Variants in NDNF observed in about 807,000 individuals in gnomAD.
The protein encoded by NDNF is protein NDNF.
A neutral mutation model predicts 42.0 loss-of-function variants in NDNF; 16 were observed. The ratio of observed to expected loss-of-function variants is 0.38; its 90% confidence interval spans 0.26 to 0.58. NDNF has a LOEUF of 0.58. Ranked by LOEUF, NDNF falls within the 20% of genes least tolerant of loss-of-function variation. The pLI, the probability that NDNF is intolerant of heterozygous loss-of-function variation, is 0.67. For missense variants in NDNF, 616 were observed against 666.2 expected (o/e 0.92, Z 0.83); for synonymous variants, 248 against 251.7 (o/e 0.99, Z 0.14).
At chr4:121,069,109 G>A (rs1471370840) in intron 1 of NDNF, among the ~76,000 whole-genome samples, 1 of 152,088 alleles carries the variant, frequency 6.6e-6, no homozygotes, top group Admixed American at 6.5e-5. Context: ...GAGTCTGGTC[G>A]ATAAATCCAA....
intron 1 of NDNF, among the ~76,000 whole-genome samples, chr4:121,050,104 AT>A (rs1469888739): frequency 6.6e-6 from 1 of 152,070 alleles, no homozygotes; most frequent in Non-Finnish European, 1.5e-5. Flanking sequence ...CATTGTATAT[AT>A]TTTTACAACT....
chr4:121,059,032 C>T (rs1317165372), intron 1 of NDNF, among the ~76,000 whole-genome samples: 3 of 152,118 alleles, frequency 2.0e-5, no homozygotes, highest in Admixed American at 6.5e-5. Context: ...CTAGCCTGGG[C>T]ACAGGCTACT....
chr4:121,059,378 CAAGAG>C (rs1727360645), intron 1 of NDNF, among the ~76,000 whole-genome samples: 1 of 152,104 alleles, frequency 6.6e-6, no homozygotes, highest in Non-Finnish European at 1.5e-5. Flanking sequence ...GAATTTGTTT[CAAGAG>C]AATATAGGCT....
chr4:121,064,662 C>T (rs945593329), intron 1 of NDNF, among the ~76,000 whole-genome samples: 7 of 152,116 alleles, frequency 4.6e-5, no homozygotes, highest in African/African-American at 7.2e-5. Context: ...ACGTCTCTCA[C>T]TCAGTAATGT....
At chr4:121,049,972 G>A (rs1456480976) in intron 1 of NDNF, among the ~76,000 whole-genome samples, 1 of 152,166 alleles carries the variant, frequency 6.6e-6, no homozygotes, top group Admixed American at 6.5e-5. Context: ...TACTGTTGGG[G>A]AAAAACTTAA....
chr4:121,066,192 A>G (rs1478066307), intron 1 of NDNF, among the ~76,000 whole-genome samples: 2 of 152,162 alleles, frequency 1.3e-5, no homozygotes, highest in East Asian at 1.9e-4. Flanking sequence ...CATAAAAAGT[A>G]ACATATTTTC....
At chr4:121,066,283 C>A (rs541919843) in intron 1 of NDNF, among the ~76,000 whole-genome samples, 1 of 152,164 alleles carries the variant, frequency 6.6e-6, no homozygotes. Flanking sequence ...CAGTTTACTA[C>A]GTGTCTTAGC....
intron 1 of NDNF, among the ~76,000 whole-genome samples, chr4:121,069,813 C>T (rs1468177394): frequency 6.6e-6 from 1 of 152,154 alleles, no homozygotes; most frequent in Non-Finnish European, 1.5e-5. Flanking sequence ...CCCCTCATTC[C>T]CAGTTGTCCC....
At chr4:121,061,449 A>G (rs1727406219) in intron 1 of NDNF, 1 of 152,842 alleles carries the variant, frequency 6.5e-6, no homozygotes. Context: ...AAGGGTTGAC[A>G]AATGTCGCAG....
intron 1 of NDNF, among the ~76,000 whole-genome samples, chr4:121,049,390 G>A (rs1727151417): frequency 6.6e-6 from 1 of 152,146 alleles, no homozygotes; most frequent in Admixed American, 6.6e-5. Flanking sequence ...ATCCTCTCTT[G>A]TAATAAAATC....
intron 3 of NDNF, 53 bp downstream of exon 3, chr4:121,039,877 G>A (rs1370048688): frequency 2.9e-5 from 45 of 1,571,420 alleles, no homozygotes; most frequent in Non-Finnish European, 3.7e-5. Context: ...TGTTTCACAA[G>A]CATTAAAACC....
At chr4:121,048,952 C>T (rs977554290) in intron 1 of NDNF, among the ~76,000 whole-genome samples, 18 of 152,120 alleles carry the variant, frequency 1.2e-4, no homozygotes, top group Non-Finnish European at 2.2e-4. Context: ...ATGCTAGCAA[C>T]AACACTATAA....
At chr4:121,060,670 A>G (rs1394308197) in intron 1 of NDNF, among the ~76,000 whole-genome samples, 2 of 152,186 alleles carry the variant, frequency 1.3e-5, no homozygotes, top group Non-Finnish European at 2.9e-5. Flanking sequence ...TGAGATCAAG[A>G]AGAAACCATT....
intron 1 of NDNF, among the ~76,000 whole-genome samples, chr4:121,053,122 T>G (rs1362015814): frequency 6.6e-6 from 1 of 152,206 alleles, no homozygotes; most frequent in East Asian, 1.9e-4. Context: ...TTAAGAGTTT[T>G]AGAGTTCATT....
chr4:121,051,702 C>T (rs955004519), intron 1 of NDNF, among the ~76,000 whole-genome samples: 26 of 152,126 alleles, frequency 1.7e-4, no homozygotes, highest in Admixed American at 3.9e-4. Flanking sequence ...TGGGTTAAAC[C>T]ACTGGTTCAG....
At chr4:121,060,463 G>T (rs535373363) in intron 1 of NDNF, among the ~76,000 whole-genome samples, 7 of 151,824 alleles carry the variant, frequency 4.6e-5, no homozygotes, top group Non-Finnish European at 7.4e-5. Flanking sequence ...TTACAGGTGT[G>T]AGCCACCGTG....
intron 1 of NDNF, among the ~76,000 whole-genome samples, chr4:121,048,720 C>G (rs1378894393): frequency 6.6e-6 from 1 of 151,988 alleles, no homozygotes; most frequent in Non-Finnish European, 1.5e-5. Flanking sequence ...CGCCTGTAAT[C>G]CCAGCTACTT....
intron 1 of NDNF, among the ~76,000 whole-genome samples, chr4:121,047,787 A>T (rs1727119742): frequency 6.6e-6 from 1 of 152,232 alleles, no homozygotes; most frequent in Admixed American, 6.5e-5. Flanking sequence ...GCAGTTTAAG[A>T]ATAAGACCAG....
At chr4:121,055,681 G>A (rs1727281122) in intron 1 of NDNF, among the ~76,000 whole-genome samples, 2 of 152,126 alleles carry the variant, frequency 1.3e-5, no homozygotes, top group African/African-American at 4.8e-5. Flanking sequence ...GGCTACAGTG[G>A]AAATTAGTAG....
Sources: gnomAD v4.1 joint callset for allele counts (sites outside exome capture counted in the v4.1 genomes callset) on GRCh38, gnomAD v4.1.1 for gene constraint, MANE v1.5 for transcripts, NCBI Gene and HGNC (gene_info 2026-07-23, HGNC 2026-07-21) for gene names.